Variants in ACTR10 observed in about 807,000 individuals in gnomAD.
The protein encoded by ACTR10 is actin-related protein 10.
ACTR10 carries 43 observed loss-of-function variants against 56.2 expected under a neutral mutation model. That is an observed-to-expected ratio of 0.77 (90% CI 0.60 to 0.99). The LOEUF (loss-of-function observed/expected upper bound fraction) is 0.99. ACTR10 is among the 50% of genes least tolerant of loss of function. The probability of loss-of-function intolerance (pLI) is 0.00; values close to 1 mark genes in which losing one functional copy is unlikely to be tolerated. For synonymous variants in ACTR10, 170 were observed against 176.3 expected, an observed-to-expected ratio of 0.96 and a Z score of 0.28; for missense variants, 466 against 507.8, an observed-to-expected ratio of 0.92 and a Z score of 0.79.
chr14:58,218,176 C>T (rs8015634), intron 7 of ACTR10, among the ~76,000 whole-genome samples: 36,149 of 152,114 alleles, frequency 0.24, 4,855 homozygotes, highest in Middle Eastern at 0.33. Context: ...TATAAATGTT[C>T]CAAGAGAGAG....
intron 11 of ACTR10, among the ~76,000 whole-genome samples, chr14:58,231,579 C>T (rs1889534618): frequency 6.6e-6 from 1 of 152,214 alleles, no homozygotes; most frequent in Non-Finnish European, 1.5e-5. Context: ...AGGACCTTAT[C>T]ATCGCTAACT....
chr14:58,223,261 G>A (rs1297745459), intron 8 of ACTR10, among the ~76,000 whole-genome samples: 2 of 151,854 alleles, frequency 1.3e-5, no homozygotes, highest in South Asian at 2.1e-4. Flanking sequence ...CTCCTCCTCC[G>A]GAGCAGCTGG....
chr14:58,220,754 TTAG>T (rs1363420844), intron 8 of ACTR10, among the ~76,000 whole-genome samples: 1 of 152,206 alleles, frequency 6.6e-6, no homozygotes, highest in Admixed American at 6.5e-5. Flanking sequence ...ATGTTTATTG[TTAG>T]TAGTAAGGAT....
intron 10 of ACTR10, 93 bp downstream of exon 10, chr14:58,223,949 A>G (rs1889341640): frequency 1.1e-6 from 1 of 947,714 alleles, no homozygotes; most frequent in Non-Finnish European, 1.6e-6. Flanking sequence ...CACTATTGCC[A>G]TTTTAACAGT....
At chr14:58,206,810 A>T (rs1429846650) in intron 2 of ACTR10, among the ~76,000 whole-genome samples, 2 of 152,162 alleles carry the variant, frequency 1.3e-5, no homozygotes, top group Non-Finnish European at 2.9e-5. Context: ...ATGTACCTGG[A>T]ACTGTATTAT....
At chr14:58,211,978 T>G (rs1193455603) in intron 5 of ACTR10, among the ~76,000 whole-genome samples, 2 of 151,886 alleles carry the variant, frequency 1.3e-5, no homozygotes, top group Non-Finnish European at 2.9e-5. Flanking sequence ...TTTCTTTTTT[T>G]TTATTTTTTA....
chr14:58,215,175 A>C (rs776582885), intron 6 of ACTR10, 30 bp from the exon 7 acceptor site: 4 of 1,377,276 alleles, frequency 2.9e-6, no homozygotes, highest in African/African-American at 2.9e-5. Flanking sequence ...CAATATTTTC[A>C]TTCCAGTAAC....
At chr14:58,231,077 C>CAG (rs111932447) in intron 11 of ACTR10, 189,914 of 337,160 alleles carry the variant, frequency 0.56, 57,842 homozygotes, top group Middle Eastern at 0.67. Context: ...CTTTTTTTGA[C>CAG]AGTGTTGCTC....
At chr14:58,223,222 C>T (rs1410929832) in intron 8 of ACTR10, among the ~76,000 whole-genome samples, 4 of 152,092 alleles carry the variant, frequency 2.6e-5, no homozygotes, top group Admixed American at 2.0e-4. Flanking sequence ...CTGCAACCTC[C>T]ACCTCCCGGG....
chr14:58,221,297 A>AT (rs1323263489), intron 8 of ACTR10, among the ~76,000 whole-genome samples: 7 of 142,764 alleles, frequency 4.9e-5, no homozygotes, highest in African/African-American at 1.5e-4. Flanking sequence ...AAAAAAAAAA[A>AT]AAAAAATATA....
At chr14:58,223,530 C>A in intron 8 of ACTR10, 92 bp from the exon 9 acceptor site, 1 of 935,822 alleles carries the variant, frequency 1.1e-6, no homozygotes, top group South Asian at 1.6e-5. Flanking sequence ...TGAGCATGTT[C>A]ACTTGAATAG....
At chr14:58,212,485 T>C (rs1889028300) in intron 5 of ACTR10, among the ~76,000 whole-genome samples, 1 of 152,184 alleles carries the variant, frequency 6.6e-6, no homozygotes, top group African/African-American at 2.4e-5. Flanking sequence ...TACATGTATA[T>C]TTATTAGAAA....
chr14:58,209,331 T>C (rs1594805234), intron 4 of ACTR10: 3 of 269,290 alleles, frequency 1.1e-5, no homozygotes, highest in African/African-American at 4.4e-5. Flanking sequence ...ATTTATTTTC[T>C]TCCTTTGTGT....
intron 10 of ACTR10, among the ~76,000 whole-genome samples, chr14:58,224,158 G>A (rs1889346057): frequency 1.3e-5 from 2 of 151,924 alleles, no homozygotes; most frequent in Admixed American, 1.3e-4. Context: ...CTGCCACCAT[G>A]CCTGGCTAAT....
Position 58,209,078 on chromosome 14 carries a change from C to G in ACTR10, c.313C>G (p.Leu105Val). The G allele has an allele frequency of 6.2e-7, 1 of 1,605,852 alleles. No homozygotes were observed. The highest frequency in any genetic ancestry group is 1.3e-5 in the African/African-American group (1 of 74,644). Residue 105 changes from leucine to valine, a missense_variant, in exon 4 of 13, where the codon CTC (leucine) becomes GTC (valine). Coordinates refer to ENST00000254286, the MANE Select transcript of ACTR10 (RefSeq NM_018477.3). ...VLCPSHFRET[L>V]TRVLFKYFEV... Reference sequence around the variant, plus strand: ...ATGTCCTTCTCACTTCAGAGAGACACTCACTCGTGTTCTTTTCAAATATTT... The same window carrying G: ...ATGTCCTTCTCACTTCAGAGAGACAGTCACTCGTGTTCTTTTCAAATATTT...
chr14:58,229,591 T>A (rs1047168868), intron 10 of ACTR10, among the ~76,000 whole-genome samples: 32 of 149,406 alleles, frequency 2.1e-4, no homozygotes, highest in African/African-American at 7.7e-4. Flanking sequence ...GGCAGGAGAA[T>A]GGCGTGAATC....
intron 10 of ACTR10, 78 bp downstream of exon 10, chr14:58,223,934 T>C: frequency 1.9e-6 from 2 of 1,051,478 alleles, no homozygotes; most frequent in Non-Finnish European, 2.8e-6. Flanking sequence ...TATGAGCCTT[T>C]ATTTCACTAT....
chr14:58,210,114 T>A (rs1888957029), intron 4 of ACTR10, among the ~76,000 whole-genome samples: 1 of 151,906 alleles, frequency 6.6e-6, no homozygotes, highest in Non-Finnish European at 1.5e-5. Flanking sequence ...ATAATTAGAG[T>A]TTGTGTTAAT....
intron 1 of ACTR10, among the ~76,000 whole-genome samples, chr14:58,202,002 C>CAAA (rs11460483): frequency 2.0e-5 from 2 of 99,038 alleles, no homozygotes; most frequent in East Asian, 3.1e-4. Flanking sequence ...GACCCTGCCT[C>CAAA]AAAAAAAAAA....
Sources: gnomAD v4.1 joint callset for allele counts (sites outside exome capture counted in the v4.1 genomes callset) on GRCh38, gnomAD v4.1.1 for gene constraint, MANE v1.5 for transcripts, NCBI Gene and HGNC (gene_info 2026-07-23, HGNC 2026-07-21) for gene names.